Variants in MAD1L1 observed in about 807,000 individuals in gnomAD.
MAD1L1 encodes the protein mitotic arrest deficient 1 like 1.
A neutral mutation model predicts 96.9 loss-of-function variants in MAD1L1; 95 were observed. The ratio of observed to expected loss-of-function variants is 0.98; its 90% CI spans 0.83 to 1.16. MAD1L1 has a LOEUF of 1.16. Among genes scored for constraint, MAD1L1 ranks in the 50% most tolerant of loss-of-function variants. The pLI, the probability that MAD1L1 is intolerant of heterozygous loss-of-function variation, is 0.00. For synonymous variants in MAD1L1, 473 were observed against 396.6 expected, an observed-to-expected ratio of 1.19 and a Z score of -2.29; for missense variants, 1,007 against 954.4, an observed-to-expected ratio of 1.06 and a Z score of -0.73.
rs1000784483 is a variant in MAD1L1, at chr7:2,146,254, C to T, written c.1073+2898G>A. Among the ~76,000 whole-genome samples the T allele has an allele frequency of 4.0e-5, 6 of 150,200 alleles. No homozygotes were observed. Among genetic ancestry groups the T allele is most frequent in the Non-Finnish European group, 8.8e-5 (6 of 67,994 alleles). ...CAGCACCGCCTGGAAGAGGGAGCAC[C>T]GGGCACTGGGCTACGAGGAACAGGG... On this transcript the variant is annotated intron_variant, in intron 11 of 18. Coordinates refer to ENST00000265854, the MANE Select transcript of MAD1L1 (RefSeq NM_001013836.2). This position sits in a 1 kb window ranked among gnomAD's most constrained non-coding sequence, Gnocchi z 6.2.
chr7:1,860,785 C>T lies in MAD1L1; in HGVS notation c.1998+37415G>A, dbSNP rs369515540. Among the ~76,000 whole-genome samples the T allele has an allele frequency of 1.3e-4, 20 of 152,156 alleles. 1 individual carries two copies. Among genetic ancestry groups the T allele is most frequent in the Admixed American group, 1.0e-3 (16 of 15,280 alleles). ...CAGGATTCTCTGAAGTGCTCTCTCT[C>T]GGCCTCAGGAAGGGATGCCGTGAGC... On this transcript the variant is annotated intron_variant, in intron 18 of 18. Transcript: ENST00000265854.
chr7:1,914,611 G>A (rs1788253418), intron 17 of MAD1L1, among the ~76,000 whole-genome samples: 1 of 152,114 alleles, frequency 6.6e-6, no homozygotes, highest in South Asian at 2.1e-4. Flanking sequence ...ACATCGTGTT[G>A]AGTTTTTGGT....
At chr7:2,062,926 C>T (rs1227425859) in intron 12 of MAD1L1, among the ~76,000 whole-genome samples, 2 of 152,038 alleles carry the variant, frequency 1.3e-5, no homozygotes, top group Admixed American at 1.3e-4. Context: ...AAAAGGATAA[C>T]GCTAAGATAA....
At chr7:1,885,607 G>A (rs1468838179) in intron 18 of MAD1L1, among the ~76,000 whole-genome samples, 1 of 152,176 alleles carries the variant, frequency 6.6e-6, no homozygotes, top group African/African-American at 2.4e-5. Flanking sequence ...CAGGGTACGG[G>A]CTCCCAAATG....
chr7:2,017,363 G>C (rs1041082690), intron 12 of MAD1L1, among the ~76,000 whole-genome samples: 1 of 152,212 alleles, frequency 6.6e-6, no homozygotes, highest in Non-Finnish European at 1.5e-5. Context: ...GTACAGAAAC[G>C]TCCCGGTTCT....
At chr7:1,827,048 G>A (rs562633670) in intron 18 of MAD1L1, among the ~76,000 whole-genome samples, 3 of 152,346 alleles carry the variant, frequency 2.0e-5, no homozygotes, top group South Asian at 4.1e-4. Context: ...TCCTGCAGCC[G>A]CAGCCGGAGG....
chr7:2,028,607 C>G (rs904894553), intron 12 of MAD1L1, among the ~76,000 whole-genome samples: 1 of 152,020 alleles, frequency 6.6e-6, no homozygotes, highest in Non-Finnish European at 1.5e-5. Context: ...GGCGGATGGC[C>G]AGGTAGAGCC....
At chr7:2,206,515 G>A (rs543243653) in intron 10 of MAD1L1, among the ~76,000 whole-genome samples, 1 of 152,322 alleles carries the variant, frequency 6.6e-6, no homozygotes, top group African/African-American at 2.4e-5. Flanking sequence ...ACCACGAAGA[G>A]CCTACTGGTT....
At chr7:1,977,803 G>A (rs892620548) in intron 15 of MAD1L1, among the ~76,000 whole-genome samples, 5 of 152,230 alleles carry the variant, frequency 3.3e-5, no homozygotes, top group East Asian at 1.9e-4. Flanking sequence ...CTCAGAGAGC[G>A]GGGAGCCGTG....
intron 15 of MAD1L1, among the ~76,000 whole-genome samples, chr7:1,963,075 G>A (rs534253320): frequency 2.0e-5 from 3 of 152,144 alleles, no homozygotes; most frequent in Non-Finnish European, 2.9e-5. Flanking sequence ...ACACGTGACC[G>A]CCAGCCACTC....
At chr7:2,096,400 T>C (rs898532444) in intron 11 of MAD1L1, among the ~76,000 whole-genome samples, 12 of 152,210 alleles carry the variant, frequency 7.9e-5, no homozygotes, top group African/African-American at 2.2e-4. Flanking sequence ...TGGGCACACA[T>C]GAGCCTGGCC....
At chr7:2,097,158 C>T (rs936508903) in intron 11 of MAD1L1, among the ~76,000 whole-genome samples, 1 of 152,044 alleles carries the variant, frequency 6.6e-6, no homozygotes, top group African/African-American at 2.4e-5. Flanking sequence ...GCTCACCCTA[C>T]TCGGCTCCAC....
At chr7:2,186,705 G>T (rs1168761589) in intron 10 of MAD1L1, among the ~76,000 whole-genome samples, 1 of 152,174 alleles carries the variant, frequency 6.6e-6, no homozygotes, top group African/African-American at 2.4e-5. Context: ...CGCCTTGAGG[G>T]ACTAAGCGCT....
At chr7:1,896,500 T>C (rs1339622854) in intron 18 of MAD1L1, among the ~76,000 whole-genome samples, 2 of 152,190 alleles carry the variant, frequency 1.3e-5, no homozygotes, top group African/African-American at 4.8e-5. Context: ...TTGCTGACGG[T>C]GTTTTTAAAA....
chr7:2,161,002 C>G (rs975490737), intron 10 of MAD1L1, among the ~76,000 whole-genome samples: 1 of 151,712 alleles, frequency 6.6e-6, no homozygotes, highest in African/African-American at 2.4e-5. Flanking sequence ...TCCTAACTGA[C>G]GCTCAGCTAT....
At chr7:1,905,916 G>A (rs1320519810) in intron 17 of MAD1L1, among the ~76,000 whole-genome samples, 1 of 152,108 alleles carries the variant, frequency 6.6e-6, no homozygotes, top group Non-Finnish European at 1.5e-5. Context: ...CGGACGTGGT[G>A]GCGCACATCT....
chr7:2,179,881 G>C (rs1036259345), intron 10 of MAD1L1, among the ~76,000 whole-genome samples: 6 of 151,760 alleles, frequency 4.0e-5, no homozygotes, highest in Admixed American at 3.3e-4. Flanking sequence ...TGAGGCAAGA[G>C]AATCGCTTGA....
intron 16 of MAD1L1, among the ~76,000 whole-genome samples, chr7:1,943,302 C>T (rs1779084405): frequency 1.3e-5 from 2 of 152,188 alleles, no homozygotes; most frequent in Non-Finnish European, 2.9e-5. Flanking sequence ...CTTCAAAGGA[C>T]GCCAGTGACA....
chr7:2,027,885 C>T (rs550033419), intron 12 of MAD1L1, among the ~76,000 whole-genome samples: 15 of 152,108 alleles, frequency 9.9e-5, no homozygotes, highest in South Asian at 2.1e-4. Flanking sequence ...ATGAAAGGTA[C>T]GAAGATCAAG....
Sources: gnomAD v4.1 joint callset for allele counts (sites outside exome capture counted in the v4.1 genomes callset) on GRCh38, gnomAD v4.1.1 for gene constraint, Gnocchi (gnomAD v3.1) non-coding constraint, MANE v1.5 for transcripts, NCBI Gene and HGNC (gene_info 2026-07-23, HGNC 2026-07-21) for gene names.